BCAS3: variants seen among roughly 807,000 people sequenced by gnomAD.
BCAS3 encodes BCAS3 microtubule associated cell migration factor, also known as BCAS4/BCAS3 fusion.
In BCAS3, 53 loss-of-function variants were observed where a neutral mutation model predicts 116.1. That is an observed-to-expected ratio of 0.46 (90% CI 0.37 to 0.57). The LOEUF (loss-of-function observed/expected upper bound fraction) is 0.57. Ranked by LOEUF, BCAS3 falls within the 20% of genes least tolerant of loss-of-function variation. The pLI, the probability that BCAS3 is intolerant of heterozygous loss-of-function variation, is 0.00. For synonymous variants in BCAS3, 391 were observed against 408.2 expected, an observed-to-expected ratio of 0.96 and a Z score of 0.51; for missense variants, 917 against 1,165.4, an observed-to-expected ratio of 0.79 and a Z score of 3.10.
chr17:61,359,540 G>A (rs2058340539), intron 22 of BCAS3, among the ~76,000 whole-genome samples: 2 of 151,168 alleles, frequency 1.3e-5, no homozygotes, highest in Non-Finnish European at 2.9e-5. Context: ...TGTTGCCCAG[G>A]CTGGAGTGCG....
intron 9 of BCAS3, among the ~76,000 whole-genome samples, chr17:60,886,635 CT>C (rs1212995409): frequency 2.0e-5 from 3 of 151,518 alleles, no homozygotes; most frequent in African/African-American, 7.3e-5. Flanking sequence ...TGTGGATGTC[CT>C]TTCTGTTTGT....
intron 5 of BCAS3, among the ~76,000 whole-genome samples, chr17:60,727,951 G>A (rs1026897592): frequency 6.6e-6 from 1 of 151,852 alleles, no homozygotes; most frequent in African/African-American, 2.4e-5. Context: ...GGGACTACAG[G>A]TGCATGCCAC....
chr17:60,928,743 G>T (rs140664582), intron 13 of BCAS3, among the ~76,000 whole-genome samples: 1 of 152,280 alleles, frequency 6.6e-6, no homozygotes, highest in Non-Finnish European at 1.5e-5. Context: ...TAATTAGCAA[G>T]TGCTAGTCAG....
chr17:60,894,155 A>G (rs1453417208), intron 10 of BCAS3, among the ~76,000 whole-genome samples: 4 of 152,198 alleles, frequency 2.6e-5, no homozygotes, highest in South Asian at 2.1e-4. Context: ...TGCTGAATCT[A>G]TAGATTTCTC....
At chr17:61,075,814 G>C (rs945806369) in intron 20 of BCAS3, among the ~76,000 whole-genome samples, 1 of 152,132 alleles carries the variant, frequency 6.6e-6, no homozygotes, top group African/African-American at 2.4e-5. Context: ...ATGGTGCCTT[G>C]GTTTCCTTTC....
chr17:61,137,222 C>T (rs1439618705), intron 22 of BCAS3, among the ~76,000 whole-genome samples: 1 of 152,036 alleles, frequency 6.6e-6, no homozygotes, highest in African/African-American at 2.4e-5. Context: ...AATGCAGACA[C>T]AAAAAGATTC....
At chr17:61,350,610 G>A (rs1269625835) in intron 22 of BCAS3, among the ~76,000 whole-genome samples, 1 of 148,284 alleles carries the variant, frequency 6.7e-6, no homozygotes. Flanking sequence ...TGTGGTGTAT[G>A]TACACAATGG....
At chr17:61,331,653 C>A (rs1011876075) in intron 22 of BCAS3, among the ~76,000 whole-genome samples, 2 of 152,066 alleles carry the variant, frequency 1.3e-5, no homozygotes, top group Non-Finnish European at 1.5e-5. Flanking sequence ...TTTTTAATTT[C>A]TTTTAAATGG....
chr17:61,341,172 A>G (rs1235020325), intron 22 of BCAS3, among the ~76,000 whole-genome samples: 3 of 152,190 alleles, frequency 2.0e-5, no homozygotes, highest in African/African-American at 2.4e-5. Flanking sequence ...ACAGGAACAG[A>G]CTGTAACAAG....
chr17:61,321,248 G>A (rs570754855), intron 22 of BCAS3, among the ~76,000 whole-genome samples: 1 of 152,228 alleles, frequency 6.6e-6, no homozygotes, highest in East Asian at 1.9e-4. Flanking sequence ...AATAGATATG[G>A]CATGAAATAA....
At chr17:61,143,078 A>G (rs1365615817) in intron 22 of BCAS3, among the ~76,000 whole-genome samples, 1 of 152,330 alleles carries the variant, frequency 6.6e-6, no homozygotes, top group East Asian at 1.9e-4. Flanking sequence ...TTAACTATCA[A>G]ATGCCCATAT....
rs115786495 is a variant in BCAS3 at position 61,372,396 on chromosome 17, A to G, written c.2593+3902A>G. 3.3e-3 allele frequency among the ~76,000 whole-genome samples: 501 copies of G among 152,290 alleles called. 3 individuals carry two copies. The highest frequency in any genetic ancestry group is 0.011 in the African/African-American group (474 of 41,558). On this transcript the variant is annotated intron_variant, in intron 23 of 23. Coordinates refer to ENST00000407086, the MANE Select transcript of BCAS3 (RefSeq NM_017679.5). ...GGTCTCTTCTCTCTCAGTACCTGGCAATCTCTGCTTCCGTGTCTCCAATTA... is the reference window on the plus strand; with the variant it reads ...GGTCTCTTCTCTCTCAGTACCTGGCGATCTCTGCTTCCGTGTCTCCAATTA...
chr17:60,679,643 T>G, intron 2 of BCAS3, 103 bp downstream of exon 2: 2 of 931,626 alleles, frequency 2.1e-6, no homozygotes, highest in Non-Finnish European at 3.4e-6. Context: ...TAAAAATCTT[T>G]TAACTGTTGG....
chr17:60,872,091 G>A (rs1214552548), intron 8 of BCAS3, among the ~76,000 whole-genome samples: 3 of 151,600 alleles, frequency 2.0e-5, no homozygotes, highest in Middle Eastern at 3.2e-3. Flanking sequence ...GTTACTATAC[G>A]TATGGTATGT....
rs976173811 is a variant in BCAS3 at position 61,333,683 on chromosome 17, C to T, written c.2426-34644C>T. On this transcript the variant is annotated intron_variant, in intron 22 of 23. Transcript: ENST00000407086. This position sits in a 1 kb window ranked among gnomAD's most constrained non-coding sequence, Gnocchi z 4.8. The stretch of plus-strand genomic sequence containing the variant: ...TCGCCTAGGCTGGAGTGCAGTGGTG[C>T]GATCTCGGCTCACTGCAACCTCTGC... 2.0e-5 allele frequency among the ~76,000 whole-genome samples: 3 copies of T among 149,506 alleles called. No homozygotes were observed. Among genetic ancestry groups the T allele is most frequent in the Non-Finnish European group, 3.0e-5 (2 of 67,668 alleles).
chr17:60,740,114 A>T (rs1393674155), intron 5 of BCAS3, among the ~76,000 whole-genome samples: 1 of 152,058 alleles, frequency 6.6e-6, no homozygotes, highest in Non-Finnish European at 1.5e-5. Context: ...TTCTGAGCTT[A>T]CCAGTTCTGA....
intron 13 of BCAS3, among the ~76,000 whole-genome samples, chr17:60,938,059 C>T (rs1188137022): frequency 6.6e-6 from 1 of 151,730 alleles, no homozygotes; most frequent in African/African-American, 2.4e-5. Context: ...GGCAAGATCT[C>T]GGCTCACTGC....
At chr17:60,880,269 CT>C (rs370659364) in intron 9 of BCAS3, among the ~76,000 whole-genome samples, 41,987 of 146,982 alleles carry the variant, frequency 0.29, 9,530 homozygotes, top group African/African-American at 0.64. Flanking sequence ...AGGATGTTCA[CT>C]TTTTTTTTTT....
intron 6 of BCAS3, among the ~76,000 whole-genome samples, chr17:60,779,824 A>G (rs2045639261): frequency 6.6e-6 from 1 of 152,114 alleles, no homozygotes; most frequent in Non-Finnish European, 1.5e-5. Context: ...GTTTTTCTAA[A>G]TCATGCAAGA....
Sources: gnomAD v4.1 joint callset for allele counts (sites outside exome capture counted in the v4.1 genomes callset) on GRCh38, gnomAD v4.1.1 for gene constraint, Gnocchi (gnomAD v3.1) non-coding constraint, MANE v1.5 for transcripts, NCBI Gene and HGNC (gene_info 2026-07-23, HGNC 2026-07-21) for gene names.